The following AGMO variants were observed in gnomAD, a reference collection of about 807,000 sequenced individuals.
AGMO encodes alkylglycerol monooxygenase, also known as glyceryl-ether monooxygenase.
In AGMO, 75 loss-of-function variants were observed where a neutral mutation model predicts 60.2. That is an observed-to-expected ratio of 1.25 (90% CI 1.03 to 1.51). The LOEUF (loss-of-function observed/expected upper bound fraction) is 1.51, where lower values mean the gene tolerates loss of function less well. Among genes scored for constraint, AGMO ranks in the 40% most tolerant of loss-of-function variants. The pLI is 0.00. For synonymous variants in AGMO, 261 were observed against 177.1 expected (o/e 1.47, Z -3.76); for missense variants, 763 against 525.5 (o/e 1.45, Z -4.42).
chr7:15,406,290 GTA>G (rs1209659596), intron 5 of AGMO, among the ~76,000 whole-genome samples: 2 of 141,158 alleles, frequency 1.4e-5, no homozygotes, highest in African/African-American at 5.4e-5. Flanking sequence ...ACATATGTGT[GTA>G]TATATATGGA....
At chr7:15,264,888 C>A (rs540280444) in intron 12 of AGMO, among the ~76,000 whole-genome samples, 8 of 152,112 alleles carry the variant, frequency 5.3e-5, no homozygotes, top group African/African-American at 1.9e-4. Flanking sequence ...TCTCGAAGAA[C>A]TCAAAACAGA....
the AGMO span, among the ~76,000 whole-genome samples, chr7:15,135,329 A>G: frequency 6.6e-6 from 1 of 152,088 alleles, no homozygotes; most frequent in African/African-American, 2.4e-5. Context: ...GAATCTTTGA[A>G]CTGCCTCTCT....
intron 2 of AGMO, among the ~76,000 whole-genome samples, chr7:15,553,217 T>A (rs1225100941): frequency 1.3e-5 from 2 of 151,788 alleles, no homozygotes; most frequent in African/African-American, 4.8e-5. Context: ...ATATACCTAA[T>A]GCTAGATGAC....
chr7:15,485,682 A>T (rs1305914214), intron 3 of AGMO, among the ~76,000 whole-genome samples: 2 of 152,180 alleles, frequency 1.3e-5, no homozygotes, highest in East Asian at 3.9e-4. Context: ...CCTTGGAAGA[A>T]AACGTAGATG....
chr7:15,325,786 T>G (rs1416675542), intron 12 of AGMO, among the ~76,000 whole-genome samples: 3 of 152,164 alleles, frequency 2.0e-5, no homozygotes, highest in Admixed American at 6.5e-5. Flanking sequence ...AATTTTTCAT[T>G]AGGATTATCT....
chr7:15,486,876 C>A (rs1005323069), intron 3 of AGMO, among the ~76,000 whole-genome samples: 2 of 152,148 alleles, frequency 1.3e-5, no homozygotes, highest in African/African-American at 2.4e-5. Flanking sequence ...CTGCTTCACA[C>A]ATACAAAAAA....
At chr7:15,139,955 CTTATAA>C in the AGMO span, among the ~76,000 whole-genome samples, 2 of 150,256 alleles carry the variant, frequency 1.3e-5, no homozygotes, top group Non-Finnish European at 3.0e-5. Context: ...ATGTTAGAAC[CTTATAA>C]TGGCAGGAAA....
chr7:15,200,926 C>A lies in AGMO; in HGVS notation c.*359G>T. The A allele has an allele frequency of 6.0e-6, 1 of 167,026 alleles. No individual in the cohort carries two copies. Among genetic ancestry groups the A allele is most frequent in the Non-Finnish European group, 1.3e-5 (1 of 78,332 alleles). 10.3% of individuals were successfully genotyped at this position (167,026 alleles called of 1,614,324 possible). A position where few individuals can be genotyped will look rare whatever the true frequency, so the allele number is the denominator to read the frequency against. On this transcript the variant is annotated 3_prime_UTR_variant, in exon 13 of 13. Transcript: ENST00000342526. Reference sequence around the variant, plus strand: ...TGTATCTATGCATAATTTTAGCAAACATCAAAGGAAACATTGTTTTCAAAT... The same window carrying A: ...TGTATCTATGCATAATTTTAGCAAAAATCAAAGGAAACATTGTTTTCAAAT...
At chr7:15,129,727 G>A in the AGMO span, among the ~76,000 whole-genome samples, 1 of 152,070 alleles carries the variant, frequency 6.6e-6, no homozygotes, top group Non-Finnish European at 1.5e-5. Flanking sequence ...GTTTTGCCCT[G>A]CTTTGGAAGC....
intron 3 of AGMO, among the ~76,000 whole-genome samples, chr7:15,490,113 T>A (rs1190336144): frequency 3.9e-5 from 6 of 152,226 alleles, no homozygotes; most frequent in Admixed American, 2.0e-4. Flanking sequence ...AACAAACAAT[T>A]TTTAAATATC....
At chr7:15,162,272 T>C in the AGMO span, among the ~76,000 whole-genome samples, 1 of 152,138 alleles carries the variant, frequency 6.6e-6, no homozygotes, top group African/African-American at 2.4e-5. Context: ...AGTATATTTA[T>C]AGCAGTGTGA....
the AGMO span, among the ~76,000 whole-genome samples, chr7:15,133,358 G>T: frequency 1.3e-5 from 2 of 152,162 alleles, no homozygotes; most frequent in Non-Finnish European, 2.9e-5. Flanking sequence ...TTCAACAACT[G>T]AACAGGTGGA....
intron 3 of AGMO, among the ~76,000 whole-genome samples, chr7:15,536,408 A>G (rs1391498129): frequency 2.6e-5 from 4 of 151,976 alleles, no homozygotes; most frequent in Non-Finnish European, 5.9e-5. Flanking sequence ...TCATCATTTC[A>G]GAAATAAGAA....
In AGMO at chr7:15,357,190, C is replaced by CGTGTGTGTGT. The variant is rs36124819; in HGVS notation, c.1263+8314_1263+8323dup. On this transcript the variant is annotated intron_variant, in intron 12 of 12. Coordinates refer to ENST00000342526, the MANE Select transcript of AGMO (RefSeq NM_001004320.2). ...AAAATTGCTCTATACTATGAATATTCGTGTGTGTGTGTGTGTGTGTGTGTG... is the reference window on the plus strand; with the variant it reads ...AAAATTGCTCTATACTATGAATATTCGTGTGTGTGTGTGTGTGTGTGTGTGTGTGTGTGTG... Among the ~76,000 whole-genome samples the CGTGTGTGTGT allele has an allele frequency of 8.4e-3, 1,218 of 144,446 alleles. 11 individuals are homozygous for CGTGTGTGTGT. Among genetic ancestry groups the CGTGTGTGTGT allele is most frequent in the African/African-American group, 0.02 (792 of 39,296 alleles). 94.8% of individuals were successfully genotyped at this position (144,446 alleles called of 152,430 possible).
At chr7:15,525,065 G>A (rs886105833) in intron 3 of AGMO, among the ~76,000 whole-genome samples, 9 of 152,036 alleles carry the variant, frequency 5.9e-5, no homozygotes, top group Non-Finnish European at 1.3e-4. Context: ...TCTTGGCCAT[G>A]ACAAAAAGGG....
intron 12 of AGMO, among the ~76,000 whole-genome samples, chr7:15,240,101 A>T (rs1352145934): frequency 1.3e-5 from 2 of 152,146 alleles, no homozygotes; most frequent in Non-Finnish European, 2.9e-5. Flanking sequence ...TTTCCTAACA[A>T]TCAAGCTACA....
chr7:15,406,559 T>TACACACACACACAC (rs201255638), intron 5 of AGMO, among the ~76,000 whole-genome samples: 5 of 65,946 alleles, frequency 7.6e-5, no homozygotes, highest in African/African-American at 3.4e-4. Context: ...TTGTTTGGAA[T>TACACACACACACAC]ACACACACAC....
At chr7:15,236,095 A>T (rs749611203) in intron 12 of AGMO, among the ~76,000 whole-genome samples, 3 of 152,142 alleles carry the variant, frequency 2.0e-5, no homozygotes, top group Non-Finnish European at 4.4e-5. Context: ...CCTGAGCAAG[A>T]GGGGAAAGCA....
chr7:15,504,894 T>C (rs938192569), intron 3 of AGMO, among the ~76,000 whole-genome samples: 14 of 151,872 alleles, frequency 9.2e-5, no homozygotes, highest in African/African-American at 3.4e-4. Context: ...AAATGTGAAA[T>C]GGTCAGTTTA....
Sources: allele counts gnomAD v4.1 joint callset (sites outside exome capture counted in the v4.1 genomes callset), GRCh38; gene constraint gnomAD v4.1.1; transcripts MANE v1.5; gene names NCBI Gene and HGNC (gene_info 2026-07-23, HGNC 2026-07-21).